EFCAB13: variants seen among roughly 807,000 people sequenced by gnomAD.
EFCAB13 encodes the protein EF-hand calcium binding domain 13, also known as EF-hand calcium-binding domain-containing protein 13.
In EFCAB13, 91 loss-of-function variants were observed where a neutral mutation model predicts 110.2. The observed-to-expected ratio is 0.83, with a 90% CI of 0.70 to 0.98. The LOEUF is 0.98. Ranked by LOEUF, EFCAB13 falls within the 50% of genes least tolerant of loss-of-function variation. EFCAB13 has a pLI of 0.00. For missense variants in EFCAB13, 968 were observed against 1,119.4 expected (o/e 0.86, Z 1.93); for synonymous variants, 323 against 369.9 (o/e 0.87, Z 1.45).
At chr17:47,398,124 C>A (rs1156411570) in intron 17 of EFCAB13, among the ~76,000 whole-genome samples, 11 of 146,812 alleles carry the variant, frequency 7.5e-5, no homozygotes, top group Admixed American at 2.7e-4. Context: ...GGGGGTCAGC[C>A]CCCCCCTGGC....
chr17:47,421,290 C>T (rs934809581), intron 23 of EFCAB13, among the ~76,000 whole-genome samples: 101 of 152,222 alleles, frequency 6.6e-4, no homozygotes, highest in African/African-American at 2.2e-3. Context: ...TTTCATTTTG[C>T]TCTGTACTAA....
chr17:47,349,476 G>C (rs911153314), intron 9 of EFCAB13, among the ~76,000 whole-genome samples: 28 of 152,142 alleles, frequency 1.8e-4, no homozygotes, highest in African/African-American at 6.7e-4. Context: ...ATTACTGCTG[G>C]AACACTATTT....
chr17:47,348,442 A>AT (rs2065430094), intron 9 of EFCAB13, among the ~76,000 whole-genome samples: 1 of 152,092 alleles, frequency 6.6e-6, no homozygotes, highest in African/African-American at 2.4e-5. Context: ...ATGGATAGGT[A>AT]TTTTTGTAAA....
At chr17:47,338,640 C>T (rs1392018810) in intron 5 of EFCAB13, among the ~76,000 whole-genome samples, 1 of 151,954 alleles carries the variant, frequency 6.6e-6, no homozygotes, top group African/African-American at 2.4e-5. Context: ...CCCTTGCTTT[C>T]TATTGCACCT....
At chr17:47,331,421 C>CT (rs535938089) in intron 4 of EFCAB13, among the ~76,000 whole-genome samples, 4 of 151,508 alleles carry the variant, frequency 2.6e-5, no homozygotes, top group Non-Finnish European at 5.9e-5. Flanking sequence ...AATATGTAGA[C>CT]TTTTTTTTAG....
chr17:47,338,231 A>G (rs1598720559), intron 5 of EFCAB13, among the ~76,000 whole-genome samples: 1 of 147,286 alleles, frequency 6.8e-6, no homozygotes, highest in Non-Finnish European at 1.5e-5. Flanking sequence ...TCAGGTTAGG[A>G]GGTCACTACT....
At position 47,441,207 on chromosome 17, in the gene EFCAB13, A is replaced by G. The variant is rs1167666731; in HGVS notation, c.*493A>G. 6.6e-6 allele frequency: 1 copy of G among 152,238 alleles called. No homozygotes were observed. The highest frequency in any genetic ancestry group is 2.4e-5 in the African/African-American group (1 of 41,404). The allele number at this position is 152,238 out of a possible 1,614,324, so 9.4% of individuals were successfully genotyped here. ...CATATACCTTGAATTTACTTTGTTT[A>G]TACTCTCATTTATACTACCAACCCT... On this transcript the variant is annotated 3_prime_UTR_variant, in exon 25 of 25. Transcript: ENST00000331493.
At chr17:47,379,049 C>A in intron 13 of EFCAB13, 133 bp from the exon 14 acceptor site, 1 of 635,572 alleles carries the variant, frequency 1.6e-6, no homozygotes, top group Non-Finnish European at 2.7e-6. Flanking sequence ...AATTATGAGA[C>A]ATGATATGAA....
intron 19 of EFCAB13, 84 bp from the exon 20 acceptor site, chr17:47,404,478 A>T (rs2065795199): frequency 2.3e-6 from 2 of 873,022 alleles, no homozygotes; most frequent in Admixed American, 2.5e-5. Context: ...GAAATATATA[A>T]GTCATATGCT....
intron 4 of EFCAB13, chr17:47,328,853 C>A (rs1208351919): frequency 6.6e-6 from 1 of 152,536 alleles, no homozygotes; most frequent in Non-Finnish European, 1.5e-5. Context: ...CAAATAAAAA[C>A]AAATCTGGAC....
intron 23 of EFCAB13, among the ~76,000 whole-genome samples, chr17:47,424,593 C>T (rs914025237): frequency 6.6e-6 from 1 of 152,072 alleles, no homozygotes; most frequent in South Asian, 2.1e-4. Flanking sequence ...TGAAAATTCA[C>T]GGAGGGCTTC....
At chr17:47,425,055 T>G (rs1229376210) in intron 23 of EFCAB13, among the ~76,000 whole-genome samples, 1 of 148,398 alleles carries the variant, frequency 6.7e-6, no homozygotes, top group Non-Finnish European at 1.5e-5. Flanking sequence ...GCTAATTTTT[T>G]GTATTTTTAG....
intron 5 of EFCAB13, among the ~76,000 whole-genome samples, chr17:47,336,686 G>T (rs1598719639): frequency 6.8e-6 from 1 of 147,252 alleles, no homozygotes; most frequent in African/African-American, 2.5e-5. Flanking sequence ...TGATCTGCCC[G>T]CCTGAGCCTC....
chr17:47,326,683 C>T (rs939781475), intron 3 of EFCAB13, among the ~76,000 whole-genome samples: 2 of 152,136 alleles, frequency 1.3e-5, no homozygotes, highest in Non-Finnish European at 2.9e-5. Context: ...GTGCTATGCA[C>T]AGTAGTTTAG....
intron 23 of EFCAB13, among the ~76,000 whole-genome samples, chr17:47,422,609 CACAA>C (rs927819846): frequency 6.6e-6 from 1 of 151,780 alleles, no homozygotes; most frequent in African/African-American, 2.4e-5. Context: ...TGTATTTTGC[CACAA>C]ACAATTATAA....
chr17:47,353,337 C>G (rs1448454282), intron 9 of EFCAB13, among the ~76,000 whole-genome samples: 1 of 151,722 alleles, frequency 6.6e-6, no homozygotes, highest in Non-Finnish European at 1.5e-5. Flanking sequence ...CTGTGTCATG[C>G]AGGCTGGAGT....
At chr17:47,383,926 T>G (rs994185388) in intron 14 of EFCAB13, among the ~76,000 whole-genome samples, 3 of 152,214 alleles carry the variant, frequency 2.0e-5, no homozygotes, top group African/African-American at 7.2e-5. Flanking sequence ...TGTCGACTAT[T>G]GATAGTGGGG....
chr17:47,439,483 T>C (rs1404907511), intron 24 of EFCAB13, among the ~76,000 whole-genome samples: 1 of 152,166 alleles, frequency 6.6e-6, no homozygotes, highest in African/African-American at 2.4e-5. Flanking sequence ...GGCCTGAGTT[T>C]CCTCTTTGGT....
In EFCAB13 at chr17:47,328,336, T is replaced by C. The variant is rs1435498210; in HGVS notation, c.-18T>C. On this transcript the variant is annotated 5_prime_UTR_variant, in exon 4 of 25. Transcript: ENST00000331493. ...AGCCTGGAGTCCTTAAGGACAGAAT[T>C]TACCTCTAAACAGAAAGATGGAAAC... is the stretch of plus-strand genomic sequence containing the variant. 6.2e-7 allele frequency: 1 copy of C among 1,605,636 alleles called. No individual in the cohort carries two copies. The highest frequency in any genetic ancestry group is 2.2e-5 in the East Asian group (1 of 44,720).
Sources: allele counts gnomAD v4.1 joint callset (sites outside exome capture counted in the v4.1 genomes callset), GRCh38; gene constraint gnomAD v4.1.1; transcripts MANE v1.5; gene names NCBI Gene and HGNC (gene_info 2026-07-23, HGNC 2026-07-21).